Variants in DLGAP2 observed in about 807,000 individuals in gnomAD.
DLGAP2 encodes the protein DLG associated protein 2.
DLGAP2 carries 26 observed loss-of-function variants against 100.3 expected under a neutral mutation model. The observed-to-expected ratio is 0.26, with a 90% confidence interval of 0.19 to 0.36. The LOEUF (loss-of-function observed/expected upper bound fraction) is 0.36. Among genes scored for constraint, DLGAP2 ranks in the 10% least tolerant of loss-of-function variants. DLGAP2 has a pLI of 1.00. For missense variants in DLGAP2, 1,858 were observed against 1,453.2 expected (o/e 1.28, Z -4.53); for synonymous variants, 886 against 630.1 (o/e 1.41, Z -6.08).
chr8:1,441,494 C>T (rs923565870), intron 3 of DLGAP2, among the ~76,000 whole-genome samples: 1 of 151,940 alleles, frequency 6.6e-6, no homozygotes, highest in African/African-American at 2.4e-5. Flanking sequence ...TCAAGACCAT[C>T]CTGGCAAACA....
intron 2 of DLGAP2, among the ~76,000 whole-genome samples, chr8:913,455 G>T (rs989403645): frequency 6.6e-6 from 1 of 152,246 alleles, no homozygotes; most frequent in East Asian, 1.9e-4. Flanking sequence ...GGCAGTGAGA[G>T]TTTGGCGTGA....
rs537493309 is a variant in DLGAP2, at chr8:1,445,122, T to C, written c.107-56244T>C. 2.0e-5 allele frequency among the ~76,000 whole-genome samples: 3 copies of C among 150,498 alleles called. No homozygotes were observed. In the East Asian group the frequency reaches 5.9e-4, roughly 30 times the overall value. ...TATTATTATACTCTAAGTTTTAGGG[T>C]ACATGTGTACAATGTGCAGGTTTGT... is the stretch of plus-strand genomic sequence containing the variant. On this transcript the variant is annotated intron_variant, in intron 3 of 14. Coordinates refer to ENST00000637795, the MANE Select transcript of DLGAP2 (RefSeq NM_001346810.2).
intron 3 of DLGAP2, among the ~76,000 whole-genome samples, chr8:1,341,302 G>A (rs915489904): frequency 3.9e-5 from 6 of 152,116 alleles, no homozygotes; most frequent in African/African-American, 1.2e-4. Context: ...AAAAATAAGC[G>A]TGTTTCATAT....
intron 2 of DLGAP2, among the ~76,000 whole-genome samples, chr8:1,222,118 G>A (rs192931679): frequency 1.3e-5 from 2 of 152,234 alleles, no homozygotes; most frequent in African/African-American, 4.8e-5. Context: ...ACATTGCCGG[G>A]GAGCTAGAGC....
intron 2 of DLGAP2, among the ~76,000 whole-genome samples, chr8:1,208,097 T>C (rs1798032140): frequency 6.6e-6 from 1 of 152,236 alleles, no homozygotes; most frequent in Non-Finnish European, 1.5e-5. Flanking sequence ...TTTGCTTTTG[T>C]TGAATTTGCT....
chr8:1,197,186 A>C (rs73184598), intron 2 of DLGAP2, among the ~76,000 whole-genome samples: 56 of 149,190 alleles, frequency 3.8e-4, no homozygotes, highest in South Asian at 1.3e-3. Context: ...ACAGACACAC[A>C]CGGAAGTCAT....
chr8:1,113,225 T>G (rs951369691), intron 2 of DLGAP2, among the ~76,000 whole-genome samples: 1 of 152,210 alleles, frequency 6.6e-6, no homozygotes, highest in African/African-American at 2.4e-5. Context: ...ATAGTTTTTT[T>G]CTAGTTCTGT....
At chr8:987,614 A>C (rs1448595698) in intron 2 of DLGAP2, among the ~76,000 whole-genome samples, 1 of 152,180 alleles carries the variant, frequency 6.6e-6, no homozygotes, top group Non-Finnish European at 1.5e-5. Context: ...CTTATTTGTC[A>C]AGATCTTTAG....
At chr8:738,740 G>A (rs1367541436) in intron 1 of DLGAP2, 2 of 153,088 alleles carry the variant, frequency 1.3e-5, no homozygotes, top group Middle Eastern at 3.4e-3. Context: ...CCCTCCCTCA[G>A]CGCGCGGCGT....
At chr8:779,379 C>G (rs889772909) in intron 1 of DLGAP2, among the ~76,000 whole-genome samples, 1 of 152,024 alleles carries the variant, frequency 6.6e-6, no homozygotes. Context: ...TGAATCACTT[C>G]TTTATTCCAA....
Position 1,691,539 on chromosome 8 carries a change from C to G in DLGAP2, c.2709C>G (p.Leu903=). The G allele has an allele frequency of 6.2e-7, 1 of 1,613,226 alleles. No individual in the cohort carries two copies. Among genetic ancestry groups the G allele is most frequent in the Non-Finnish European group, 8.5e-7 (1 of 1,179,690 alleles). Residue 903 remains leucine, a synonymous_variant, in exon 13 of 15, where the codon CTC becomes CTG. Coordinates refer to ENST00000637795, the MANE Select transcript of DLGAP2 (RefSeq NM_001346810.2). ...TTTTGTTTTTGTTTTAAACAGTTCT[C>G]GGTAAAATCAGGAGTGCTGTTGGGA... ...AEENDLSEEI[L]GKIRSAVGSA...
At chr8:1,068,913 G>T (rs992726261) in intron 2 of DLGAP2, among the ~76,000 whole-genome samples, 2 of 152,110 alleles carry the variant, frequency 1.3e-5, no homozygotes, top group Non-Finnish European at 2.9e-5. Flanking sequence ...TGTGAACCTG[G>T]GCAGCCCCGG....
intron 6 of DLGAP2, among the ~76,000 whole-genome samples, chr8:1,612,502 C>T (rs1423944997): frequency 6.9e-6 from 1 of 145,128 alleles, no homozygotes; most frequent in Non-Finnish European, 1.5e-5. Context: ...ATGTCCAGAA[C>T]ACCAAAAGCA....
At chr8:1,264,282 A>T (rs1336036285) in intron 3 of DLGAP2, among the ~76,000 whole-genome samples, 3 of 152,098 alleles carry the variant, frequency 2.0e-5, no homozygotes, top group African/African-American at 7.2e-5. Flanking sequence ...GGGGCCTGGG[A>T]TGGGGCTGGG....
chr8:1,330,747 G>T (rs1437148563), intron 3 of DLGAP2, among the ~76,000 whole-genome samples: 3 of 137,464 alleles, frequency 2.2e-5, no homozygotes, highest in African/African-American at 5.8e-5. Context: ...CTGAGTTCTG[G>T]GTGGGAGCAC....
chr8:1,516,142 G>A (rs924767946), intron 4 of DLGAP2, among the ~76,000 whole-genome samples: 3 of 151,252 alleles, frequency 2.0e-5, no homozygotes, highest in African/African-American at 7.3e-5. Context: ...AAAGAGGGAG[G>A]GAATGAGTGA....
intron 1 of DLGAP2, among the ~76,000 whole-genome samples, chr8:804,145 C>G (rs1259948056): frequency 6.6e-6 from 1 of 152,098 alleles, no homozygotes; most frequent in African/African-American, 2.4e-5. Context: ...TTGTGGAGAT[C>G]TTTAAAAACC....
intron 8 of DLGAP2, among the ~76,000 whole-genome samples, chr8:1,655,684 A>G (rs1798267718): frequency 6.6e-6 from 1 of 152,078 alleles, no homozygotes; most frequent in Non-Finnish European, 1.5e-5. Flanking sequence ...AGTTTCTTTC[A>G]TCTCATTCAC....
intron 4 of DLGAP2, among the ~76,000 whole-genome samples, chr8:1,516,879 A>G (rs1007123241): frequency 1.3e-5 from 2 of 152,224 alleles, no homozygotes; most frequent in African/African-American, 4.8e-5. Context: ...GAAACTCCCT[A>G]CAGCTTCAAG....
Sources: allele counts gnomAD v4.1 joint callset (sites outside exome capture counted in the v4.1 genomes callset), GRCh38; gene constraint gnomAD v4.1.1; transcripts MANE v1.5; gene names NCBI Gene and HGNC (gene_info 2026-07-23, HGNC 2026-07-21).